Variants in PRKN observed in about 807,000 individuals in gnomAD.
The protein encoded by PRKN is E3 ubiquitin-protein ligase parkin.
PRKN carries 56 observed loss-of-function variants against 59.5 expected under a neutral mutation model. The observed-to-expected ratio is 0.94, with a 90% confidence interval of 0.76 to 1.18. PRKN has a LOEUF of 1.18. PRKN is among the 50% of genes most tolerant of loss of function. The pLI is 0.00. For missense variants in PRKN, 657 were observed against 596.4 expected, an observed-to-expected ratio of 1.10 and a Z score of -1.06; for synonymous variants, 250 against 222.1, an observed-to-expected ratio of 1.13 and a Z score of -1.12.
intron 1 of PRKN, among the ~76,000 whole-genome samples, chr6:162,575,718 G>C (rs1780529426): frequency 6.6e-6 from 1 of 152,138 alleles, no homozygotes; most frequent in Non-Finnish European, 1.5e-5. Flanking sequence ...AGAATGGCCA[G>C]GGCTACATCC....
At chr6:162,218,516 T>G (rs1445009210) in intron 3 of PRKN, among the ~76,000 whole-genome samples, 2 of 152,152 alleles carry the variant, frequency 1.3e-5, no homozygotes, top group Admixed American at 6.5e-5. Flanking sequence ...TCCACCTATC[T>G]GGGGTTGGGG....
intron 9 of PRKN, among the ~76,000 whole-genome samples, chr6:161,539,959 T>C (rs1048327846): frequency 6.6e-6 from 1 of 152,218 alleles, no homozygotes; most frequent in South Asian, 2.1e-4. Flanking sequence ...ACTGCTATAA[T>C]ACTATGGAAA....
At chr6:161,940,596 C>A (rs1583378016) in intron 6 of PRKN, among the ~76,000 whole-genome samples, 1 of 152,338 alleles carries the variant, frequency 6.6e-6, no homozygotes, top group Middle Eastern at 3.4e-3. Flanking sequence ...ATGTATTTTT[C>A]ATTCCTCAGA....
At position 161,590,857 on chromosome 6, in the gene PRKN, T is replaced by C. The variant is rs945117720; in HGVS notation, c.872-21441A>G. On this transcript the variant is annotated intron_variant, in intron 7 of 11. Coordinates refer to ENST00000366898, the MANE Select transcript of PRKN (RefSeq NM_004562.3). ...CTCATAAAAAATTCCACAGTCATAA[T>C]AGACTAGACATAATAGTCTAGATAA... 3.3e-5 allele frequency among the ~76,000 whole-genome samples: 5 copies of C among 152,096 alleles called. No homozygotes were observed. The East Asian group carries it at 9.6e-4, about 29-fold the overall frequency.
chr6:162,245,527 G>A (rs1779162276), intron 3 of PRKN, among the ~76,000 whole-genome samples: 1 of 151,554 alleles, frequency 6.6e-6, no homozygotes. Context: ...ATATAAAATA[G>A]CAAAACAGCT....
At chr6:162,230,439 G>C (rs1255129483) in intron 3 of PRKN, among the ~76,000 whole-genome samples, 1 of 152,190 alleles carries the variant, frequency 6.6e-6, no homozygotes, top group African/African-American at 2.4e-5. Flanking sequence ...AGTCTGGGAG[G>C]ATCCAGGGGA....
intron 6 of PRKN, among the ~76,000 whole-genome samples, chr6:161,833,232 G>A (rs1375759334): frequency 6.6e-6 from 1 of 151,206 alleles, no homozygotes; most frequent in East Asian, 1.9e-4. Context: ...AAGAAGCCGT[G>A]ATCCCTGGAA....
chr6:162,484,450 A>G (rs1458536088), intron 1 of PRKN, among the ~76,000 whole-genome samples: 1 of 152,174 alleles, frequency 6.6e-6, no homozygotes, highest in African/African-American at 2.4e-5. Flanking sequence ...GATCGGGGGA[A>G]GGGGACTCAG....
chr6:162,382,945 G>A (rs1168374305), intron 2 of PRKN, among the ~76,000 whole-genome samples: 2 of 152,094 alleles, frequency 1.3e-5, no homozygotes, highest in African/African-American at 4.8e-5. Flanking sequence ...TTGTTCATCC[G>A]TAAGAAGCAA....
At chr6:162,503,044 G>T (rs1490929624) in intron 1 of PRKN, among the ~76,000 whole-genome samples, 1 of 150,232 alleles carries the variant, frequency 6.7e-6, no homozygotes, top group Admixed American at 6.6e-5. Flanking sequence ...GACTGTTTTT[G>T]AAGCATCAAA....
chr6:161,774,382 G>GCGCGCACACACA, intron 7 of PRKN, among the ~76,000 whole-genome samples: 1 of 131,032 alleles, frequency 7.6e-6, no homozygotes, highest in South Asian at 2.6e-4. Context: ...TACTCCCTGA[G>GCGCGCACACACA]CACACACACA....
At chr6:161,861,258 G>C (rs1793884906) in intron 6 of PRKN, among the ~76,000 whole-genome samples, 1 of 152,220 alleles carries the variant, frequency 6.6e-6, no homozygotes. Context: ...AAAAGGATGA[G>C]TTTGTGTCCT....
intron 1 of PRKN, among the ~76,000 whole-genome samples, chr6:162,457,781 T>C (rs1458883573): frequency 1.3e-5 from 2 of 152,140 alleles, no homozygotes; most frequent in East Asian, 3.9e-4. Context: ...CATTTTTATA[T>C]AGACAATTTT....
intron 5 of PRKN, among the ~76,000 whole-genome samples, chr6:161,991,838 G>A (rs796620993): frequency 1.9e-4 from 29 of 151,934 alleles, no homozygotes; most frequent in African/African-American, 6.5e-4. Context: ...GTGAAACTCC[G>A]TCTCAAAAAA....
rs1582970381 is a variant in PRKN at position 161,362,239 on chromosome 6, T to C, written c.1168-2034A>G. Reference sequence around the variant, plus strand: ...ATGCTGGATCAAATATGGAAAAAAATCTTTTTTAAACGTACGGCTGATAGG... The same window carrying C: ...ATGCTGGATCAAATATGGAAAAAAACCTTTTTTAAACGTACGGCTGATAGG... On this transcript the variant is annotated intron_variant, in intron 10 of 11. Coordinates refer to ENST00000366898, the MANE Select transcript of PRKN (RefSeq NM_004562.3). The surrounding 1 kb of genome is among the most constrained non-coding windows in gnomAD (Gnocchi z 5.2). Among the ~76,000 whole-genome samples, 1 of 152,134 alleles carries C rather than the reference T, an allele frequency of 6.6e-6. No individual in the cohort carries two copies. Among genetic ancestry groups the C allele is most frequent in the African/African-American group, 2.4e-5 (1 of 41,424 alleles).
chr6:162,240,766 GA>G (rs1778953172), intron 3 of PRKN, among the ~76,000 whole-genome samples: 1 of 152,128 alleles, frequency 6.6e-6, no homozygotes, highest in Non-Finnish European at 1.5e-5. Context: ...TTAAAACTGA[GA>G]AAAGAGAGGG....
At chr6:161,973,549 A>G (rs1780908448) in intron 5 of PRKN, 132 bp from the exon 6 acceptor site, 1 of 693,044 alleles carries the variant, frequency 1.4e-6, no homozygotes, top group African/African-American at 1.8e-5. Flanking sequence ...GAAATAAATC[A>G]GCATCAAACC....
intron 2 of PRKN, among the ~76,000 whole-genome samples, chr6:162,382,068 C>T (rs763195165): frequency 6.6e-6 from 1 of 152,120 alleles, no homozygotes; most frequent in Non-Finnish European, 1.5e-5. Context: ...ATTTTGCTGG[C>T]ATTTACTTTT....
intron 1 of PRKN, among the ~76,000 whole-genome samples, chr6:162,618,458 T>G (rs1025853061): frequency 3.9e-5 from 6 of 152,126 alleles, no homozygotes; most frequent in Non-Finnish European, 7.4e-5. Context: ...TTTTATAAAT[T>G]TATACAATTA....
Sources: allele counts gnomAD v4.1 joint callset (sites outside exome capture counted in the v4.1 genomes callset), GRCh38; gene constraint gnomAD v4.1.1; non-coding constraint Gnocchi (gnomAD v3.1); transcripts MANE v1.5; gene names NCBI Gene and HGNC (gene_info 2026-07-23, HGNC 2026-07-21).